EMCN: variants seen among roughly 807,000 people sequenced by gnomAD.
EMCN encodes MUC-14.
In EMCN, 37 loss-of-function variants were observed where a neutral mutation model predicts 38.4. The observed-to-expected ratio is 0.96, with a 90% CI of 0.74 to 1.27. The LOEUF is 1.27. EMCN is among the 50% of genes most tolerant of loss of function. The pLI is 0.00. For missense variants in EMCN, 318 were observed against 302.8 expected, an observed-to-expected ratio of 1.05 and a Z score of -0.37; for synonymous variants, 95 against 100.8, an observed-to-expected ratio of 0.94 and a Z score of 0.35.
At chr4:100,475,502 C>CT (rs111621297) in intron 2 of EMCN, among the ~76,000 whole-genome samples, 148 of 145,890 alleles carry the variant, frequency 1.0e-3, no homozygotes, top group African/African-American at 3.3e-3. Flanking sequence ...AGTATCATGC[C>CT]TTTTTTTTTT....
chr4:100,497,113 AG>A (rs1729227168), intron 1 of EMCN, among the ~76,000 whole-genome samples: 1 of 151,960 alleles, frequency 6.6e-6, no homozygotes, highest in African/African-American at 2.4e-5. Context: ...AGGGCCATGT[AG>A]TTGATTAAAA....
intron 1 of EMCN, among the ~76,000 whole-genome samples, chr4:100,513,993 G>C (rs991671878): frequency 1.3e-5 from 2 of 152,080 alleles, no homozygotes; most frequent in African/African-American, 4.8e-5. Flanking sequence ...CCTTAGGAGA[G>C]TTAGATATAC....
intron 4 of EMCN, among the ~76,000 whole-genome samples, chr4:100,453,556 A>C (rs994070256): frequency 5.3e-5 from 8 of 152,112 alleles, no homozygotes; most frequent in African/African-American, 1.9e-4. Flanking sequence ...AAATAGGAAC[A>C]CTTTTACACT....
At chr4:100,414,163 G>A (rs545818765) in intron 10 of EMCN, among the ~76,000 whole-genome samples, 4 of 152,146 alleles carry the variant, frequency 2.6e-5, no homozygotes, top group African/African-American at 9.6e-5. Context: ...GCACTTCCAG[G>A]TATGTTTAGC....
intron 5 of EMCN, among the ~76,000 whole-genome samples, chr4:100,432,494 T>C (rs186625573): frequency 1.3e-5 from 2 of 152,286 alleles, no homozygotes; most frequent in African/African-American, 4.8e-5. Context: ...TTTTAGCTAG[T>C]GTACACATAA....
chr4:100,406,671 T>C (rs1015857704), intron 11 of EMCN, among the ~76,000 whole-genome samples: 5 of 152,116 alleles, frequency 3.3e-5, no homozygotes, highest in African/African-American at 9.6e-5. Context: ...TTTTAGAGTA[T>C]GTGTCATGCA....
At chr4:100,486,600 G>A (rs908813201) in intron 1 of EMCN, among the ~76,000 whole-genome samples, 2 of 152,180 alleles carry the variant, frequency 1.3e-5, no homozygotes, top group African/African-American at 4.8e-5. Context: ...TAGATAAGTG[G>A]GAGAAAGCTG....
At chr4:100,515,981 G>A (rs147116264) in intron 1 of EMCN, among the ~76,000 whole-genome samples, 4 of 141,392 alleles carry the variant, frequency 2.8e-5, no homozygotes, top group African/African-American at 1.0e-4. Flanking sequence ...TCCTCTCTAA[G>A]ACAAATGGAG....
At chr4:100,507,027 A>G (rs1729496864) in intron 1 of EMCN, among the ~76,000 whole-genome samples, 2 of 152,198 alleles carry the variant, frequency 1.3e-5, no homozygotes, top group Non-Finnish European at 2.9e-5. Flanking sequence ...TGTTTGGATT[A>G]TCTAATGCAT....
intron 1 of EMCN, 93 bp from the exon 2 acceptor site, chr4:100,480,132 G>A (rs1728768984): frequency 9.0e-7 from 1 of 1,115,776 alleles, no homozygotes; most frequent in Admixed American, 3.4e-5. Flanking sequence ...TCAGTAGAAT[G>A]TGAATTTGCA....
chr4:100,440,616 T>C (rs772027022), intron 5 of EMCN, among the ~76,000 whole-genome samples: 29 of 152,126 alleles, frequency 1.9e-4, no homozygotes, highest in Non-Finnish European at 3.8e-4. Flanking sequence ...TGTGTGTATA[T>C]ATATATGTGA....
intron 1 of EMCN, among the ~76,000 whole-genome samples, chr4:100,505,645 C>T (rs1729462375): frequency 6.6e-6 from 1 of 152,130 alleles, no homozygotes; most frequent in Non-Finnish European, 1.5e-5. Flanking sequence ...ATACACCATT[C>T]AGCAGTTGGG....
chr4:100,463,820 GC>G (rs1320287512), intron 4 of EMCN, among the ~76,000 whole-genome samples: 2 of 152,064 alleles, frequency 1.3e-5, no homozygotes, highest in African/African-American at 2.4e-5. Context: ...CATTACAATA[GC>G]TTTAGAATAA....
chr4:100,441,850 G>C (rs1727529199), intron 5 of EMCN, among the ~76,000 whole-genome samples: 1 of 151,974 alleles, frequency 6.6e-6, no homozygotes, highest in African/African-American at 2.4e-5. Flanking sequence ...TTAACAACTT[G>C]TTATACGTTT....
intron 1 of EMCN, among the ~76,000 whole-genome samples, chr4:100,484,112 T>C (rs1047263714): frequency 6.6e-6 from 1 of 152,140 alleles, no homozygotes; most frequent in Non-Finnish European, 1.5e-5. Context: ...TGAAGCATTA[T>C]CTGAATATTA....
chr4:100,507,577 G>A (rs1729516988), intron 1 of EMCN, among the ~76,000 whole-genome samples: 1 of 152,030 alleles, frequency 6.6e-6, no homozygotes, highest in African/African-American at 2.4e-5. Context: ...ACTGGGTACT[G>A]GCCTTGTAAG....
chr4:100,445,248 C>A (rs1727636226), intron 5 of EMCN, among the ~76,000 whole-genome samples: 1 of 152,118 alleles, frequency 6.6e-6, no homozygotes. Flanking sequence ...GCTGATGTCA[C>A]CAACATGGAT....
chr4:100,431,091 A>T (rs1727184353), intron 5 of EMCN, among the ~76,000 whole-genome samples: 1 of 152,198 alleles, frequency 6.6e-6, no homozygotes, highest in South Asian at 2.1e-4. Flanking sequence ...GAATATGCTC[A>T]GACAGGATGG....
intron 3 of EMCN, among the ~76,000 whole-genome samples, chr4:100,468,296 G>A (rs77931690): frequency 0.013 from 2,031 of 152,278 alleles, 41 homozygotes; most frequent in African/African-American, 0.046. Context: ...TCTTGGAATT[G>A]TTAACGTGTA....
Sources: allele counts gnomAD v4.1 joint callset (sites outside exome capture counted in the v4.1 genomes callset), GRCh38; gene constraint gnomAD v4.1.1; transcripts MANE v1.5; gene names NCBI Gene and HGNC (gene_info 2026-07-23, HGNC 2026-07-21).